The following AKAP13 variants were observed in gnomAD, a reference collection of about 807,000 sequenced individuals.
The protein encoded by AKAP13 is A-kinase anchor protein 13.
In AKAP13, 80 loss-of-function variants were observed where a neutral mutation model predicts 264.5. The ratio of observed to expected loss-of-function variants is 0.30; its 90% confidence interval spans 0.25 to 0.36. The LOEUF is 0.36. AKAP13 is among the 10% of genes least tolerant of loss of function. The pLI, the probability that AKAP13 is intolerant of heterozygous loss-of-function variation, is 1.00. For synonymous variants in AKAP13, 1,380 were observed against 1,250.2 expected, an observed-to-expected ratio of 1.10 and a Z score of -2.19; for missense variants, 3,712 against 3,435.2, an observed-to-expected ratio of 1.08 and a Z score of -2.01.
chr15:85,520,498 C>CAAAAAA (rs71468111), intron 2 of AKAP13, among the ~76,000 whole-genome samples: 19 of 71,274 alleles, frequency 2.7e-4, no homozygotes, highest in Non-Finnish European at 4.2e-4. Context: ...AACTCCGTCT[C>CAAAAAA]AAAAAAAAAA....
At chr15:85,640,623 T>A (rs576043444) in intron 9 of AKAP13, among the ~76,000 whole-genome samples, 7 of 152,304 alleles carry the variant, frequency 4.6e-5, no homozygotes, top group African/African-American at 1.7e-4. Flanking sequence ...ATTGGCCCTG[T>A]TCACAGATTT....
At chr15:85,539,954 C>T (rs1031851974) in intron 4 of AKAP13, among the ~76,000 whole-genome samples, 2 of 152,074 alleles carry the variant, frequency 1.3e-5, no homozygotes, top group Non-Finnish European at 2.9e-5. Flanking sequence ...CTTTAAAGAG[C>T]TCAATAAAAT....
intron 5 of AKAP13, among the ~76,000 whole-genome samples, chr15:85,556,404 C>T (rs910328761): frequency 6.6e-6 from 1 of 152,134 alleles, no homozygotes; most frequent in African/African-American, 2.4e-5. Context: ...AGGAATTTTC[C>T]AGCTGCATTA....
Position 85,743,581 on chromosome 15 carries a change from C to A in AKAP13, c.8148C>A (p.Ala2716=), listed in dbSNP as rs2089220292. ...EPPSPSAPSI[A]KSGSLDSELS... is the part of the protein sequence containing the mutation. ...CCTCGCCATCTGCACCTTCCATAGC[C>A]AAATCAGGGTCATTGGACTCAGAAC... Residue 2716 remains alanine, a synonymous_variant, in exon 36 of 37, where the codon GCC becomes GCA. Coordinates refer to ENST00000394518, the MANE Select transcript of AKAP13 (RefSeq NM_007200.5). 1 of 1,614,082 alleles carries A rather than the reference C, an allele frequency of 6.2e-7. No individual in the cohort carries two copies. Among genetic ancestry groups the A allele is most frequent in the African/African-American group, 1.3e-5 (1 of 74,924 alleles).
intron 5 of AKAP13, among the ~76,000 whole-genome samples, chr15:85,564,882 A>T (rs1219137011): frequency 6.6e-6 from 1 of 152,168 alleles, no homozygotes; most frequent in African/African-American, 2.4e-5. Flanking sequence ...CCTGGTTCTC[A>T]ATGGGGCTTC....
intron 25 of AKAP13, 95 bp from the exon 26 acceptor site, chr15:85,722,977 G>A (rs961153703): frequency 2.7e-6 from 4 of 1,492,804 alleles, no homozygotes; most frequent in African/African-American, 1.4e-5. Context: ...AGTCACAAAG[G>A]GAAAAGATGA....
chr15:85,494,714 G>T (rs1469522693), intron 2 of AKAP13, among the ~76,000 whole-genome samples: 1 of 152,208 alleles, frequency 6.6e-6, no homozygotes, highest in Non-Finnish European at 1.5e-5. Flanking sequence ...TTCACAGCAG[G>T]TTACGAGAGG....
In AKAP13 at chr15:85,619,976, A is replaced by G. The variant is rs914544827; in HGVS notation, c.4162-19398A>G. Reference sequence around the variant, plus strand: ...TTTAATAGAGAGGAGTCTGGAAGGCAGAGATCTCCACCACCTAACCGTGAG... The same window carrying G: ...TTTAATAGAGAGGAGTCTGGAAGGCGGAGATCTCCACCACCTAACCGTGAG... On this transcript the variant is annotated intron_variant, in intron 8 of 36. Transcript: ENST00000394518. 5 of 1,477,148 alleles carry G rather than the reference A, an allele frequency of 3.4e-6. No homozygotes were observed. In the Admixed American group the frequency reaches 7.0e-5, roughly 21 times the overall value. The allele number at this position is 1,477,148 out of a possible 1,614,324, so 91.5% of individuals were successfully genotyped here.
chr15:85,563,522 C>T (rs1311489159), intron 5 of AKAP13, among the ~76,000 whole-genome samples: 1 of 151,952 alleles, frequency 6.6e-6, no homozygotes, highest in Admixed American at 6.6e-5. Flanking sequence ...TCCTTTGACT[C>T]ATAAAAAAAT....
At chr15:85,520,895 G>T (rs1382597483) in intron 2 of AKAP13, among the ~76,000 whole-genome samples, 2 of 152,218 alleles carry the variant, frequency 1.3e-5, no homozygotes, top group African/African-American at 2.4e-5. Flanking sequence ...TGGAGCCCAA[G>T]CTCGTCTTCT....
intron 1 of AKAP13, among the ~76,000 whole-genome samples, chr15:85,391,856 C>G (rs2070874832): frequency 6.6e-6 from 1 of 152,030 alleles, no homozygotes; most frequent in African/African-American, 2.4e-5. Context: ...GCGATCTCGG[C>G]TCACTGCAAC....
At position 85,727,201 on chromosome 15, in the gene AKAP13, G is replaced by A; in HGVS notation, c.6958G>A (p.Glu2320Lys). The change falls in exon 28 of 37, where the codon GAA becomes AAA. Residue 2320 changes from glutamate to lysine, a missense_variant. This residue lies in a region of AKAP13 where 342 missense variants were observed against 484.3 expected (regional missense o/e 0.71). Coordinates refer to ENST00000394518, the MANE Select transcript of AKAP13 (RefSeq NM_007200.5). The surrounding 1 kb of genome is among the most constrained non-coding windows in gnomAD (Gnocchi z 5.3). ...AGAAGTCCATGCCAGCTCCAAAGAG[G>A]AACGAAACAGCTGGATTCAGATCAT... is the stretch of plus-strand genomic sequence containing the variant. The part of the protein sequence containing the change: ...MVEVHASSKE[E>K]RNSWIQIIQD... The A allele has an allele frequency of 6.2e-7, 1 of 1,614,124 alleles. No homozygotes were observed. Among genetic ancestry groups the A allele is most frequent in the Non-Finnish European group, 8.5e-7 (1 of 1,180,012 alleles).
rs367991645 is a variant in AKAP13 at position 85,610,963 on chromosome 15, G to A, written c.4161+25140G>A. On this transcript the variant is annotated intron_variant, in intron 8 of 36. Coordinates refer to ENST00000394518, the MANE Select transcript of AKAP13 (RefSeq NM_007200.5). ...CACTGCGCTCCAGCCTGGGCAACAAGAGCGAAACTCCACCCCCCCACTCCC... is the reference window on the plus strand; with the variant it reads ...CACTGCGCTCCAGCCTGGGCAACAAAAGCGAAACTCCACCCCCCCACTCCC... 1.2e-3 allele frequency among the ~76,000 whole-genome samples: 178 copies of A among 152,294 alleles called. 2 individuals are homozygous for A. The highest frequency in any genetic ancestry group is 3.5e-3 in the African/African-American group (146 of 41,570).
chr15:85,396,859 T>G (rs2150822663), intron 1 of AKAP13, among the ~76,000 whole-genome samples: 1 of 151,942 alleles, frequency 6.6e-6, no homozygotes, highest in South Asian at 2.1e-4. Context: ...CTGCACAAAT[T>G]ACTGATCTGT....
At position 85,719,356 on chromosome 15, in the gene AKAP13, C is replaced by T. The variant is rs375723902; in HGVS notation, c.6252+30C>T. ...GAATGGGAAGGATCTCAGGTTCTTA[C>T]ATACACTGGGAAAAAGGGAAGTCAT... On this transcript the variant is annotated intron_variant, in intron 23 of 36. Transcript: ENST00000394518. 5 of 1,609,002 alleles carry T rather than the reference C, an allele frequency of 3.1e-6. No individual in the cohort carries two copies. The South Asian group carries it at 5.5e-5, about 18-fold the overall frequency.
Position 85,431,941 on chromosome 15 carries a change from C to G in AKAP13, c.-12+51143C>G, listed in dbSNP as rs16978092. ...GTCAACAGTGGTACAGTTACGTACC[C>G]AAATGAAGAGTTGCTGTAGTTGTGC... On this transcript the variant is annotated intron_variant, in intron 1 of 36. Transcript: ENST00000394518. Among the ~76,000 whole-genome samples, 1,086 of 152,142 alleles carry G rather than the reference C, an allele frequency of 7.1e-3. 24 individuals carry two copies. The highest frequency in any genetic ancestry group is 0.063 in the East Asian group (325 of 5,178).
chr15:85,610,734 GGGA>G (rs2080571538), intron 8 of AKAP13, among the ~76,000 whole-genome samples: 1 of 152,208 alleles, frequency 6.6e-6, no homozygotes, highest in Non-Finnish European at 1.5e-5. Flanking sequence ...CCAGCACTTC[GGGA>G]GGCCGAGGTG....
chr15:85,718,962 A>G lies in AKAP13; in HGVS notation c.6002-114A>G, dbSNP rs2087123765. 1 of 1,452,956 alleles carries G rather than the reference A, an allele frequency of 6.9e-7. No homozygotes were observed. Among genetic ancestry groups the G allele is most frequent in the East Asian group, 2.3e-5 (1 of 43,786 alleles). The allele number at this position is 1,452,956 out of a possible 1,614,324, so 90.0% of individuals were successfully genotyped here. On this transcript the variant is annotated intron_variant, in intron 22 of 36. Transcript: ENST00000394518. This position sits in a 1 kb window ranked among gnomAD's most constrained non-coding sequence, Gnocchi z 4.9. ...TAGGGGAAAGATAGCTGTTGACCCA[A>G]TTTTAAGGTTCAAATTGGGCTCTAA...
chr15:85,740,412 G>A (rs755937659), intron 34 of AKAP13, 140 bp downstream of exon 34: 92 of 900,394 alleles, frequency 1.0e-4, no homozygotes, highest in Non-Finnish European at 1.3e-4. Flanking sequence ...ACTGGCTCTC[G>A]TGGTGAGAAA....
Sources: gnomAD v4.1 joint callset for allele counts (sites outside exome capture counted in the v4.1 genomes callset) on GRCh38, gnomAD v4.1.1 for gene constraint, gnomAD v4.1.1 regional missense constraint, Gnocchi (gnomAD v3.1) non-coding constraint, MANE v1.5 for transcripts, NCBI Gene and HGNC (gene_info 2026-07-23, HGNC 2026-07-21) for gene names.